DTX2: variants seen among roughly 807,000 people sequenced by gnomAD.
DTX2 encodes the protein probable E3 ubiquitin-protein ligase DTX2.
Under a neutral mutation model 55.3 loss-of-function variants are expected in DTX2, and 29 were observed. The ratio of observed to expected loss-of-function variants is 0.52; its 90% CI spans 0.39 to 0.71. The LOEUF is 0.71. Ranked by LOEUF, DTX2 falls within the 30% of genes least tolerant of loss-of-function variation. The pLI is 0.00. For synonymous variants in DTX2, 276 were observed against 340.4 expected, an observed-to-expected ratio of 0.81 and a Z score of 2.08; for missense variants, 537 against 822.5, an observed-to-expected ratio of 0.65 and a Z score of 4.25.
rs1380051020 is a variant in DTX2 at position 76,503,320 on chromosome 7, A to G, written c.1390-106A>G. The G allele has an allele frequency of 2.1e-5, 27 of 1,316,428 alleles. No homozygotes were observed. The South Asian group carries it at 3.0e-4, about 15-fold the overall frequency. 81.5% of individuals were successfully genotyped at this position (1,316,428 alleles called of 1,614,324 possible). On this transcript the variant is annotated intron_variant, in intron 8 of 10. Transcript: ENST00000430490. ...AGGAGGCTGCCAGCAACTCCCTGGG[A>G]TGGTGGCCAGCCCATTCCCGGGGCC...
chr7:76,505,755 T>A lies in DTX2; in HGVS notation c.*154T>A. On this transcript the variant is annotated 3_prime_UTR_variant, in exon 11 of 11. Coordinates refer to ENST00000430490, the MANE Select transcript of DTX2 (RefSeq NM_001102594.3). This position sits in a 1 kb window ranked among gnomAD's most constrained non-coding sequence, Gnocchi z 4.4. ...GAAGCCGGGGCTCCCCCTGCCTGCCTCTCTCTCCTCCTCCCCTCTGGGAAT... is the reference window on the plus strand; with the variant it reads ...GAAGCCGGGGCTCCCCCTGCCTGCCACTCTCTCCTCCTCCCCTCTGGGAAT... The A allele has an allele frequency of 1.3e-6, 1 of 769,714 alleles. No individual in the cohort carries two copies. Among genetic ancestry groups the A allele is most frequent in the Non-Finnish European group, 2.1e-6 (1 of 478,344 alleles). The allele number at this position is 769,714 out of a possible 1,614,324, so 47.7% of individuals were successfully genotyped here.
At position 76,505,276 on chromosome 7, in the gene DTX2, T is replaced by G. The variant is rs1812212684; in HGVS notation, c.1642-98T>G. The G allele has an allele frequency of 1.9e-6, 2 of 1,034,540 alleles. No homozygotes were observed. Among genetic ancestry groups the G allele is most frequent in the South Asian group, 3.0e-5 (2 of 65,640 alleles). The allele number at this position is 1,034,540 out of a possible 1,614,324, so 64.1% of individuals were successfully genotyped here. ...AGTGGATGAGTCACCTGGGAGGGGC[T>G]GGGATGGGAAGAACATGGTGCCAAC... is the stretch of plus-strand genomic sequence containing the variant. On this transcript the variant is annotated intron_variant, in intron 10 of 10. Transcript: ENST00000430490. This position sits in a 1 kb window ranked among gnomAD's most constrained non-coding sequence, Gnocchi z 4.4.
chr7:76,494,773 T>TC (rs1327474853), intron 5 of DTX2, among the ~76,000 whole-genome samples: 4 of 126,924 alleles, frequency 3.2e-5, no homozygotes, highest in African/African-American at 1.2e-4. Flanking sequence ...GACTCCTGCC[T>TC]CCCCCAATTC....
At chr7:76,476,457 A>G (rs1808552294) in intron 2 of DTX2, among the ~76,000 whole-genome samples, 1 of 151,924 alleles carries the variant, frequency 6.6e-6, no homozygotes, top group South Asian at 2.1e-4. Flanking sequence ...GATATTGGGC[A>G]CCTGAAGAGC....
At chr7:76,501,989 C>A (rs755233813) in intron 7 of DTX2, 2 of 384,844 alleles carry the variant, frequency 5.2e-6, no homozygotes, top group Non-Finnish European at 9.2e-6. Context: ...TGAGTTCAAG[C>A]GATTCTCTTG....
chr7:76,482,892 T>C lies in DTX2; in HGVS notation c.653T>C (p.Met218Thr), dbSNP rs1327994413. ...GTGTCAGGCCGCTACCGCCACTCCA[T>C]GACCAACCTCCCTGCATACCCCGTC... ...GPVSGRYRHS[M>T]TNLPAYPVPQ... Residue 218 changes from methionine to threonine, a missense_variant, in exon 4 of 11, where the codon ATG becomes ACG. This residue lies in a region of DTX2 where 301 missense variants were observed against 396.6 expected (regional missense o/e 0.76). Coordinates refer to ENST00000430490, the MANE Select transcript of DTX2 (RefSeq NM_001102594.3). The C allele has an allele frequency of 1.2e-6, 2 of 1,613,754 alleles. No individual in the cohort carries two copies. Among genetic ancestry groups the C allele is most frequent in the South Asian group, 1.1e-5 (1 of 91,078 alleles).
chr7:76,490,241 G>A lies in DTX2; in HGVS notation c.909-1912G>A, dbSNP rs1168106452. 3.5e-5 allele frequency among the ~76,000 whole-genome samples: 3 copies of A among 84,736 alleles called. 1 individual carries two copies. Among genetic ancestry groups the A allele is most frequent in the Admixed American group, 2.3e-4 (2 of 8,714 alleles). The allele number at this position is 84,736 out of a possible 152,430, so 55.6% of individuals were successfully genotyped here. A position where few individuals can be genotyped will look rare whatever the true frequency, so the allele number is the denominator to read the frequency against. ...CTCAGGAGGCTGAGGCAGGAGAATC[G>A]CTTGAACCTGGGAGGTAGAGGTTTC... On this transcript the variant is annotated intron_variant, in intron 4 of 10. Coordinates refer to ENST00000430490, the MANE Select transcript of DTX2 (RefSeq NM_001102594.3).
chr7:76,505,340 C>T lies in DTX2; in HGVS notation c.1642-34C>T. The T allele has an allele frequency of 1.3e-6, 2 of 1,533,682 alleles. No homozygotes were observed. The highest frequency in any genetic ancestry group is 1.8e-6 in the Non-Finnish European group (2 of 1,131,626). ...CTGAGCCCCTCTCACTCTCCGTCCCCTCCTTCCTCTTCCCCCTCCTCCTCC... is the reference window on the plus strand; with the variant it reads ...CTGAGCCCCTCTCACTCTCCGTCCCTTCCTTCCTCTTCCCCCTCCTCCTCC... On this transcript the variant is annotated intron_variant, in intron 10 of 10. Transcript: ENST00000430490. The surrounding 1 kb of genome is among the most constrained non-coding windows in gnomAD (Gnocchi z 4.4).
intron 7 of DTX2, 49 bp downstream of exon 7, chr7:76,500,569 T>G (rs1304587292): frequency 3.6e-6 from 2 of 556,264 alleles, no homozygotes; most frequent in Non-Finnish European, 3.3e-6. Flanking sequence ...TGGAAACAAC[T>G]CCACATGGAA....
chr7:76,481,606 A>T (rs1352939703), intron 3 of DTX2, among the ~76,000 whole-genome samples: 1 of 151,932 alleles, frequency 6.6e-6, no homozygotes, highest in Non-Finnish European at 1.5e-5. Flanking sequence ...GCCATCTGAC[A>T]ATGTTTGGAG....
chr7:76,489,712 A>G (rs1422872654), intron 4 of DTX2, among the ~76,000 whole-genome samples: 2 of 92,168 alleles, frequency 2.2e-5, no homozygotes, highest in South Asian at 4.7e-4. Flanking sequence ...AATCCCAGCT[A>G]CTTGAGAGGC....
At chr7:76,494,853 G>A (rs1249563865) in intron 5 of DTX2, among the ~76,000 whole-genome samples, 41 of 122,088 alleles carry the variant, frequency 3.4e-4, no homozygotes, top group African/African-American at 1.2e-3. Context: ...AGCCTGGCCA[G>A]CACCCCGGAG....
rs756074116 is a variant in DTX2 at position 76,505,457 on chromosome 7, C to T, written c.1725C>T (p.Thr575=). 2.5e-5 allele frequency: 40 copies of T among 1,606,604 alleles called. No individual in the cohort carries two copies. The highest frequency in any genetic ancestry group is 2.7e-5 in the African/African-American group (2 of 74,680). ...CCAGCACCACGGGTGAGACGGACACCGTGGTATGGAACGAGATCCACCACA... is the reference window on the plus strand; with the variant it reads ...CCAGCACCACGGGTGAGACGGACACTGTGGTATGGAACGAGATCCACCACA... ...GTSSTTGETD[T]VVWNEIHHKT... Residue 575 remains threonine (T), a synonymous_variant, in exon 11 of 11, where the codon ACC becomes ACT. Coordinates refer to ENST00000430490, the MANE Select transcript of DTX2 (RefSeq NM_001102594.3). This position sits in a 1 kb window ranked among gnomAD's most constrained non-coding sequence, Gnocchi z 4.4.
chr7:76,463,138 C>T (rs1229529155), intron 1 of DTX2, among the ~76,000 whole-genome samples: 2 of 150,144 alleles, frequency 1.3e-5, no homozygotes, highest in South Asian at 2.1e-4. Context: ...CAGAGCCAGG[C>T]GTGGTGACTC....
Position 76,473,590 on chromosome 7 carries a change from A to G in DTX2, c.-89-6831A>G, listed in dbSNP as rs997931567. On this transcript the variant is annotated intron_variant, in intron 2 of 10. Coordinates refer to ENST00000430490, the MANE Select transcript of DTX2 (RefSeq NM_001102594.3). ...GAGACCGAGATGGGCAGATCACTTGAGGCCAGGAGTTTGAGACCAGCCCTG... is the reference window on the plus strand; with the variant it reads ...GAGACCGAGATGGGCAGATCACTTGGGGCCAGGAGTTTGAGACCAGCCCTG... Among the ~76,000 whole-genome samples the G allele has an allele frequency of 4.8e-5, 5 of 103,638 alleles. 2 individuals are homozygous for G. The Admixed American group carries it at 5.2e-4, about 11-fold the overall frequency. The allele number at this position is 103,638 out of a possible 152,430, so 68.0% of individuals were successfully genotyped here.
intron 2 of DTX2, among the ~76,000 whole-genome samples, chr7:76,468,757 C>CCTTTTTTTTTTTTTTTTTTT (rs1468242199): frequency 4.0e-5 from 1 of 24,708 alleles, no homozygotes; most frequent in Non-Finnish European, 6.4e-5. Context: ...CCACGCCCAG[C>CCTTTTTTTTTTTTTTTTTTT]ATTTTTTTTT....
intron 2 of DTX2, among the ~76,000 whole-genome samples, chr7:76,475,713 C>A (rs899413510): frequency 2.0e-5 from 3 of 150,072 alleles, no homozygotes; most frequent in African/African-American, 7.4e-5. Flanking sequence ...AAAAAAATCC[C>A]ATAATTCTTT....
intron 2 of DTX2, among the ~76,000 whole-genome samples, chr7:76,464,391 C>G (rs1246903117): frequency 6.7e-6 from 1 of 149,330 alleles, no homozygotes; most frequent in South Asian, 2.2e-4. Context: ...CATGCCAAGA[C>G]TCGGGAGTGG....
At chr7:76,468,758 A>ATTTTTTTTTT (rs3972784) in intron 2 of DTX2, among the ~76,000 whole-genome samples, 852 of 26,790 alleles carry the variant, frequency 0.032, 7 homozygotes, top group Middle Eastern at 0.062. Flanking sequence ...CACGCCCAGC[A>ATTTTTTTTTT]TTTTTTTTTT....
Sources: allele counts gnomAD v4.1 joint callset (sites outside exome capture counted in the v4.1 genomes callset), GRCh38; gene constraint gnomAD v4.1.1; regional missense constraint gnomAD v4.1.1; non-coding constraint Gnocchi (gnomAD v3.1); transcripts MANE v1.5; gene names NCBI Gene and HGNC (gene_info 2026-07-23, HGNC 2026-07-21).